CRADD: variants seen among roughly 807,000 people sequenced by gnomAD.
CRADD encodes death domain-containing protein CRADD.
CRADD carries 9 observed loss-of-function variants against 15.5 expected under a neutral mutation model. The observed-to-expected ratio is 0.58, with a 90% CI of 0.35 to 1.01. The LOEUF is 1.01. CRADD is among the 50% of genes least tolerant of loss of function. The probability of loss-of-function intolerance (pLI) is 0.02; values close to 1 mark genes in which losing one functional copy is unlikely to be tolerated. For missense variants in CRADD, 227 were observed against 250.3 expected (o/e 0.91, Z 0.63); for synonymous variants, 118 against 107.6 (o/e 1.10, Z -0.60).
intron 2 of CRADD, among the ~76,000 whole-genome samples, chr12:93,680,361 T>A (rs1541985): frequency 0.072 from 10,983 of 152,224 alleles, 865 homozygotes; most frequent in East Asian, 0.23. Context: ...AAATGAATAC[T>A]GATAATAAGA....
chr12:93,695,541 A>G (rs1955683600), intron 2 of CRADD, among the ~76,000 whole-genome samples: 1 of 152,230 alleles, frequency 6.6e-6, no homozygotes, highest in Non-Finnish European at 1.5e-5. Flanking sequence ...AACCATATAT[A>G]TGATAAGGAA....
At chr12:93,717,904 G>A (rs1007209773) in intron 2 of CRADD, among the ~76,000 whole-genome samples, 1 of 152,162 alleles carries the variant, frequency 6.6e-6, no homozygotes, top group Admixed American at 6.5e-5. Context: ...TGGATGTTCA[G>A]TTGTTCCAGC....
chr12:93,851,291 A>G (rs1958218797), downstream of CRADD, among the ~76,000 whole-genome samples: 1 of 152,146 alleles, frequency 6.6e-6, no homozygotes, highest in Non-Finnish European at 1.5e-5. Context: ...CCCAGGGTGA[A>G]TGAGGTTGGG....
intron 2 of CRADD, among the ~76,000 whole-genome samples, chr12:93,755,112 C>T (rs1258581415): frequency 6.6e-6 from 1 of 152,114 alleles, no homozygotes; most frequent in African/African-American, 2.4e-5. Context: ...CTTTATAAAA[C>T]CATCAGATCT....
chr12:93,797,529 A>G (rs547879045), intron 2 of CRADD, among the ~76,000 whole-genome samples: 3 of 152,244 alleles, frequency 2.0e-5, no homozygotes, highest in East Asian at 3.9e-4. Flanking sequence ...CAGAAGCTAT[A>G]GAGTTGGTGG....
rs181918156 is a variant in CRADD at position 93,828,744 on chromosome 12, C to G, written c.299-21226C>G. Among the ~76,000 whole-genome samples the G allele has an allele frequency of 1.4e-4, 22 of 152,324 alleles. No homozygotes were observed. In the East Asian group the frequency reaches 3.7e-3, roughly 25 times the overall value. On this transcript the variant is annotated intron_variant, in intron 2 of 2. Transcript: ENST00000332896. ...GTCAATTTCTATAGCTTTAGGATGTCTTAAAATCAGGGAGTGTAATTATTC... is the reference window on the plus strand; with the variant it reads ...GTCAATTTCTATAGCTTTAGGATGTGTTAAAATCAGGGAGTGTAATTATTC...
At chr12:93,741,238 T>C (rs1362951592) in intron 2 of CRADD, among the ~76,000 whole-genome samples, 4 of 152,228 alleles carry the variant, frequency 2.6e-5, no homozygotes, top group Non-Finnish European at 4.4e-5. Flanking sequence ...GTTTTATTGC[T>C]TTCATGCTTA....
At chr12:93,738,696 A>G (rs2136925360) in intron 2 of CRADD, 1 of 428,100 alleles carries the variant, frequency 2.3e-6, no homozygotes, top group East Asian at 3.7e-5. Flanking sequence ...CTCATAAATA[A>G]TGGAAATCTT....
chr12:93,814,107 T>C (rs1311464420), intron 2 of CRADD, among the ~76,000 whole-genome samples: 1 of 152,234 alleles, frequency 6.6e-6, no homozygotes, highest in Non-Finnish European at 1.5e-5. Flanking sequence ...TCTGGGACAA[T>C]GCCAGCCATA....
chr12:93,843,068 A>G (rs1446753654), intron 2 of CRADD, among the ~76,000 whole-genome samples: 1 of 152,212 alleles, frequency 6.6e-6, no homozygotes, highest in Admixed American at 6.5e-5. Context: ...TGAACATTCT[A>G]TACCACAATG....
intron 2 of CRADD, among the ~76,000 whole-genome samples, chr12:93,813,843 AG>A (rs1477783709): frequency 6.6e-6 from 1 of 152,162 alleles, no homozygotes; most frequent in Admixed American, 6.5e-5. Context: ...TTTAAAAAAG[AG>A]GAGAGAAAGA....
intron 2 of CRADD, among the ~76,000 whole-genome samples, chr12:93,762,459 A>C (rs915325396): frequency 1.3e-5 from 2 of 152,220 alleles, no homozygotes; most frequent in African/African-American, 4.8e-5. Context: ...ATTAAAAGAA[A>C]GGAGAGGTCA....
chr12:93,859,949 C>T (rs1958306606), intron 2 of CRADD, among the ~76,000 whole-genome samples: 1 of 151,034 alleles, frequency 6.6e-6, no homozygotes, highest in Non-Finnish European at 1.5e-5. Context: ...AGGCTGATCT[C>T]GAGCTCCTGG....
chr12:93,838,662 G>A lies in CRADD; in HGVS notation c.299-11308G>A, dbSNP rs560385599. ...CTTTTCCATTCATATACTCACTCTTGTTCCCCCTCCCTCTCATAGATAAGG... is the reference window on the plus strand; with the variant it reads ...CTTTTCCATTCATATACTCACTCTTATTCCCCCTCCCTCTCATAGATAAGG... On this transcript the variant is annotated intron_variant, in intron 2 of 2. Transcript: ENST00000332896. 2.1e-5 allele frequency among the ~76,000 whole-genome samples: 3 copies of A among 144,786 alleles called. No homozygotes were observed. In the South Asian group the frequency reaches 6.5e-4, roughly 32 times the overall value. 95.0% of individuals were successfully genotyped at this position (144,786 alleles called of 152,430 possible). A position where few individuals can be genotyped will look rare whatever the true frequency, so the allele number is the denominator to read the frequency against.
At chr12:93,724,429 C>G (rs1162952814) in intron 2 of CRADD, among the ~76,000 whole-genome samples, 1 of 151,500 alleles carries the variant, frequency 6.6e-6, no homozygotes, top group African/African-American at 2.4e-5. Context: ...TTCTCTGTAT[C>G]TGCCTGTCTG....
chr12:93,765,232 G>C (rs892229526), intron 2 of CRADD, among the ~76,000 whole-genome samples: 10 of 152,078 alleles, frequency 6.6e-5, no homozygotes, highest in African/African-American at 1.9e-4. Context: ...GAGAGTAAAG[G>C]GCTTTTGGAA....
chr12:93,754,357 C>T (rs1329815256), intron 2 of CRADD, among the ~76,000 whole-genome samples: 2 of 152,242 alleles, frequency 1.3e-5, no homozygotes, highest in Non-Finnish European at 2.9e-5. Flanking sequence ...TCCCCATTGT[C>T]TTGGCAATTA....
chr12:93,881,488 T>C (rs1958502154), intron 2 of CRADD, among the ~76,000 whole-genome samples: 1 of 152,156 alleles, frequency 6.6e-6, no homozygotes, highest in South Asian at 2.1e-4. Context: ...AAAATGGTTT[T>C]TCTTTTCTTC....
chr12:93,705,094 G>A (rs940623213), intron 2 of CRADD, among the ~76,000 whole-genome samples: 4 of 152,134 alleles, frequency 2.6e-5, no homozygotes, highest in African/African-American at 7.2e-5. Context: ...CTTGACAAGC[G>A]AATTTCCCTT....
Sources: gnomAD v4.1 joint callset for allele counts (sites outside exome capture counted in the v4.1 genomes callset) on GRCh38, gnomAD v4.1.1 for gene constraint, MANE v1.5 for transcripts, NCBI Gene and HGNC (gene_info 2026-07-23, HGNC 2026-07-21) for gene names.